Variants in TAF13 observed in about 807,000 individuals in gnomAD.
TAF13 encodes transcription initiation factor TFIID subunit 13.
A neutral mutation model predicts 18.7 loss-of-function variants in TAF13; 9 were observed. The observed-to-expected ratio is 0.48, with a 90% CI of 0.29 to 0.84. The LOEUF is 0.84. Ranked by LOEUF, TAF13 falls within the 40% of genes least tolerant of loss-of-function variation. The pLI, the probability that TAF13 is intolerant of heterozygous loss-of-function variation, is 0.08. For missense variants in TAF13, 105 were observed against 146.5 expected, an observed-to-expected ratio of 0.72 and a Z score of 1.46; for synonymous variants, 49 against 44.1, an observed-to-expected ratio of 1.11 and a Z score of -0.44.
intron 2 of TAF13, among the ~76,000 whole-genome samples, chr1:109,074,509 T>C (rs1245094715): frequency 6.6e-6 from 1 of 151,952 alleles, no homozygotes; most frequent in Non-Finnish European, 1.5e-5. Flanking sequence ...GCTGACCTTC[T>C]CTCCACTATT....
At position 109,064,641 on chromosome 1, in the gene TAF13, A is replaced by C; in HGVS notation, c.257T>G (p.Ile86Ser). ...GRQGRVQVEDIVFLIRKDPRK... is the reference protein window; with the variant it reads ...GRQGRVQVEDSVFLIRKDPRK... Reference sequence around the variant, plus strand: ...TGGGTCCTTTCGAATCAAGAAGACGATATCTTCAACTTGTACTCGACCTTG... The same window carrying C: ...TGGGTCCTTTCGAATCAAGAAGACGCTATCTTCAACTTGTACTCGACCTTG... Residue 86 changes from isoleucine (I) to serine (S), a missense_variant, in exon 4 of 4, where the codon ATC (isoleucine) becomes AGC (serine). Coordinates refer to ENST00000338366, the MANE Select transcript of TAF13 (RefSeq NM_005645.4). 6.4e-7 allele frequency: 1 copy of C among 1,573,460 alleles called. No individual in the cohort carries two copies. Among genetic ancestry groups the C allele is most frequent in the African/African-American group, 1.4e-5 (1 of 73,518 alleles).
At chr1:109,072,323 T>C (rs1664091719) in intron 2 of TAF13, among the ~76,000 whole-genome samples, 1 of 151,742 alleles carries the variant, frequency 6.6e-6, no homozygotes. Context: ...GGGCTTGGCC[T>C]GGATCATCAG....
chr1:109,073,418 C>T (rs375800048), intron 2 of TAF13, among the ~76,000 whole-genome samples: 100 of 152,206 alleles, frequency 6.6e-4, no homozygotes, highest in African/African-American at 2.2e-3. Context: ...CCCTCGTCTG[C>T]GTCTCCCGCT....
At chr1:109,070,707 T>G (rs1664035269) in intron 2 of TAF13, among the ~76,000 whole-genome samples, 1 of 152,204 alleles carries the variant, frequency 6.6e-6, no homozygotes. Flanking sequence ...CCCAAATTTT[T>G]TTTTTAAAGG....
intron 2 of TAF13, among the ~76,000 whole-genome samples, chr1:109,074,024 C>A (rs1171329013): frequency 6.6e-6 from 1 of 152,218 alleles, no homozygotes; most frequent in Non-Finnish European, 1.5e-5. Flanking sequence ...AGGCCGCCCG[C>A]ATCTGGGAAG....
chr1:109,071,988 A>T (rs1664069866), intron 2 of TAF13, among the ~76,000 whole-genome samples: 1 of 1,706 alleles, frequency 5.9e-4, no homozygotes, highest in African/African-American at 1.3e-3. Flanking sequence ...ACACATATAT[A>T]TATATATATA....
At chr1:109,071,443 G>GA (rs1164517886) in intron 2 of TAF13, among the ~76,000 whole-genome samples, 3,697 of 124,684 alleles carry the variant, frequency 0.03, 62 homozygotes, top group Non-Finnish European at 0.038. Flanking sequence ...TCCATCTCAG[G>GA]AAAAAAAAAA....
At chr1:109,075,133 A>T in intron 1 of TAF13, 68 bp from the exon 2 acceptor site, 3 of 1,358,724 alleles carry the variant, frequency 2.2e-6, no homozygotes, top group Non-Finnish European at 2.0e-6. Flanking sequence ...TAATAATGAC[A>T]TTTTTTTTTC....
intron 2 of TAF13, among the ~76,000 whole-genome samples, chr1:109,071,981 C>A (rs60774027): frequency 0.16 from 1,628 of 10,154 alleles, 216 homozygotes; most frequent in Middle Eastern, 0.56. Flanking sequence ...TATATACACA[C>A]ATATATATAT....
chr1:109,064,735 AAT>A, intron 3 of TAF13, 42 bp from the exon 4 acceptor site: 1 of 1,369,370 alleles, frequency 7.3e-7, no homozygotes. Flanking sequence ...TTTTAAATCT[AAT>A]ATTTTACTGT....
At position 109,064,704 on chromosome 1, in the gene TAF13, G is replaced by A. The variant is rs1056640020; in HGVS notation, c.205-11C>T. 1.4e-6 allele frequency: 2 copies of A among 1,439,738 alleles called. No individual in the cohort carries two copies. Among genetic ancestry groups the A allele is most frequent in the South Asian group, 3.2e-5 (2 of 61,658 alleles). 89.2% of individuals were successfully genotyped at this position (1,439,738 alleles called of 1,614,324 possible). ...CATTGCCTTGTGAGTCTATTACAAA[G>A]AAACATATTACATTTAACTTTTTTA... On this transcript the variant is annotated splice_polypyrimidine_tract_variant and intron_variant, in intron 3 of 3. Transcript: ENST00000338366.
chr1:109,070,048 A>G (rs1248219804), intron 2 of TAF13, among the ~76,000 whole-genome samples: 1 of 152,192 alleles, frequency 6.6e-6, no homozygotes, highest in Non-Finnish European at 1.5e-5. Context: ...CATCAAAGCT[A>G]AGAAATTAAC....
chr1:109,075,179 A>G (rs1220461172), intron 1 of TAF13, 114 bp from the exon 2 acceptor site: 4 of 859,322 alleles, frequency 4.7e-6, no homozygotes, highest in East Asian at 5.1e-5. Flanking sequence ...CAAAGGAAGC[A>G]GCAAAAAAAA....
chr1:109,070,127 G>A (rs1557985342), intron 2 of TAF13, among the ~76,000 whole-genome samples: 1 of 152,142 alleles, frequency 6.6e-6, no homozygotes. Flanking sequence ...TCTGTTTCAG[G>A]TTCCCATACT....
chr1:109,067,911 TTC>T (rs1293994578), intron 2 of TAF13, among the ~76,000 whole-genome samples: 1 of 152,206 alleles, frequency 6.6e-6, no homozygotes, highest in African/African-American at 2.4e-5. Context: ...GCTGATCTGG[TTC>T]GCGTCTTTAC....
At position 109,069,438 on chromosome 1, in the gene TAF13, T is replaced by C. The variant is rs555866505; in HGVS notation, c.107-3206A>G. Among the ~76,000 whole-genome samples, 14 of 152,328 alleles carry C rather than the reference T, an allele frequency of 9.2e-5. No homozygotes were observed. In the East Asian group the frequency reaches 2.5e-3, roughly 27 times the overall value. On this transcript the variant is annotated intron_variant, in intron 2 of 3. Coordinates refer to ENST00000338366, the MANE Select transcript of TAF13 (RefSeq NM_005645.4). ...TATGTAAATAGTTGTTATACTATAC[T>C]GTTTAGGGAATAGTGACAAGGAAAA...
intron 1 of TAF13, among the ~76,000 whole-genome samples, chr1:109,075,443 G>A (rs956135749): frequency 2.6e-5 from 4 of 152,122 alleles, no homozygotes; most frequent in African/African-American, 9.7e-5. Flanking sequence ...CTATGCATTT[G>A]CTTATACAGT....
chr1:109,072,841 C>T (rs149778895), intron 2 of TAF13, among the ~76,000 whole-genome samples: 468 of 147,700 alleles, frequency 3.2e-3, no homozygotes, highest in Non-Finnish European at 5.4e-3. Flanking sequence ...AGTGCAGTGG[C>T]GCAATCTTGG....
At chr1:109,075,833 C>A (rs1025179811) in intron 1 of TAF13, 88 bp downstream of exon 1, 12 of 1,566,320 alleles carry the variant, frequency 7.7e-6, no homozygotes, top group Non-Finnish European at 9.7e-6. Context: ...TTCACTAAGG[C>A]AAGCAGACCC....
Sources: gnomAD v4.1 joint callset for allele counts (sites outside exome capture counted in the v4.1 genomes callset) on GRCh38, gnomAD v4.1.1 for gene constraint, MANE v1.5 for transcripts, NCBI Gene and HGNC (gene_info 2026-07-23, HGNC 2026-07-21) for gene names.